The following BCKDHB variants were observed in gnomAD, a reference collection of about 807,000 sequenced individuals.
BCKDHB encodes 2-oxoisovalerate dehydrogenase subunit beta, mitochondrial.
BCKDHB carries 41 observed loss-of-function variants against 48.5 expected under a neutral mutation model. The ratio of observed to expected loss-of-function variants is 0.85; its 90% CI spans 0.66 to 1.10. The LOEUF (loss-of-function observed/expected upper bound fraction) is 1.10. BCKDHB is among the 50% of genes least tolerant of loss of function. The pLI is 0.00. For missense variants in BCKDHB, 496 were observed against 494.2 expected (o/e 1.00, Z -0.03); for synonymous variants, 201 against 174.8 (o/e 1.15, Z -1.18).
chr6:80,318,070 C>A (rs1326989439), intron 9 of BCKDHB, among the ~76,000 whole-genome samples: 2 of 152,184 alleles, frequency 1.3e-5, no homozygotes, highest in African/African-American at 2.4e-5. Context: ...GGAACCCCAA[C>A]AATTGTGGGT....
chr6:80,164,697 T>C (rs1193502756), intron 3 of BCKDHB, among the ~76,000 whole-genome samples: 1 of 152,236 alleles, frequency 6.6e-6, no homozygotes, highest in Non-Finnish European at 1.5e-5. Context: ...AATTTTTCTA[T>C]TACACATAAG....
At chr6:80,238,598 A>G (rs1333726580) in intron 8 of BCKDHB, among the ~76,000 whole-genome samples, 1 of 151,530 alleles carries the variant, frequency 6.6e-6, no homozygotes, top group Non-Finnish European at 1.5e-5. Flanking sequence ...ATTTATTTAT[A>G]TATTTTTTAT....
At chr6:80,155,722 A>G (rs956700425) in intron 3 of BCKDHB, among the ~76,000 whole-genome samples, 2 of 152,076 alleles carry the variant, frequency 1.3e-5, no homozygotes, top group African/African-American at 4.8e-5. Flanking sequence ...GGTAAATATA[A>G]CATTGAATTT....
the BCKDHB span, among the ~76,000 whole-genome samples, chr6:80,440,514 G>A: frequency 3.9e-5 from 6 of 152,010 alleles, no homozygotes; most frequent in Middle Eastern, 3.4e-3. Flanking sequence ...ATCCTGTGCC[G>A]TTCTTAGATT....
chr6:80,351,219 T>C (rs1349659349), downstream of BCKDHB, among the ~76,000 whole-genome samples: 1 of 152,234 alleles, frequency 6.6e-6, no homozygotes, highest in African/African-American at 2.4e-5. Context: ...ATAAGCTTTG[T>C]TTCTGAATTT....
the BCKDHB span, among the ~76,000 whole-genome samples, chr6:80,458,781 A>C: frequency 6.6e-6 from 1 of 152,172 alleles, no homozygotes; most frequent in Non-Finnish European, 1.5e-5. Context: ...TCATATATTA[A>C]TTTGTTTCTA....
chr6:80,462,252 T>C, the BCKDHB span, among the ~76,000 whole-genome samples: 2 of 152,224 alleles, frequency 1.3e-5, no homozygotes, highest in Admixed American at 1.3e-4. Flanking sequence ...CCTATTTACT[T>C]ATCTTTCTCC....
chr6:80,178,728 A>C (rs992490628), intron 6 of BCKDHB, among the ~76,000 whole-genome samples: 1 of 152,216 alleles, frequency 6.6e-6, no homozygotes, highest in Non-Finnish European at 1.5e-5. Flanking sequence ...AGGATTAGGG[A>C]AATTAGACAA....
At chr6:80,265,287 A>C (rs1460701188) in intron 8 of BCKDHB, among the ~76,000 whole-genome samples, 1 of 152,156 alleles carries the variant, frequency 6.6e-6, no homozygotes, top group Non-Finnish European at 1.5e-5. Flanking sequence ...CAGTAGCCAG[A>C]AGGTAAAAGG....
the BCKDHB span, among the ~76,000 whole-genome samples, chr6:80,413,024 A>G: frequency 1.6e-4 from 24 of 152,252 alleles, no homozygotes; most frequent in African/African-American, 2.6e-4. Flanking sequence ...TTTGGACTTC[A>G]TGCATCTGGA....
At chr6:80,141,764 T>C (rs943074317) in intron 3 of BCKDHB, among the ~76,000 whole-genome samples, 2 of 152,146 alleles carry the variant, frequency 1.3e-5, no homozygotes, top group African/African-American at 4.8e-5. Context: ...ATGTGTATTT[T>C]ATTAAGAACA....
intron 8 of BCKDHB, among the ~76,000 whole-genome samples, chr6:80,242,179 T>A (rs1313804635): frequency 6.6e-6 from 1 of 152,218 alleles, no homozygotes; most frequent in Non-Finnish European, 1.5e-5. Flanking sequence ...TTTAAAGTTT[T>A]ACCTTTCAAA....
chr6:80,200,079 A>G (rs1476189638), intron 6 of BCKDHB, among the ~76,000 whole-genome samples: 1 of 150,958 alleles, frequency 6.6e-6, no homozygotes, highest in African/African-American at 2.4e-5. Flanking sequence ...AAAAAAAAAA[A>G]AAAAAAAAAA....
chr6:80,388,464 A>C, the BCKDHB span, among the ~76,000 whole-genome samples: 1 of 152,148 alleles, frequency 6.6e-6, no homozygotes, highest in African/African-American at 2.4e-5. Context: ...TGAACATTTG[A>C]CTATGGGTCA....
chr6:80,385,079 A>G, the BCKDHB span, among the ~76,000 whole-genome samples: 95 of 152,204 alleles, frequency 6.2e-4, no homozygotes, highest in Non-Finnish European at 1.1e-3. Context: ...GTGATTTTAT[A>G]CATAATATCT....
chr6:80,214,952 C>A (rs897857810), intron 8 of BCKDHB, among the ~76,000 whole-genome samples: 1 of 151,936 alleles, frequency 6.6e-6, no homozygotes, highest in African/African-American at 2.4e-5. Flanking sequence ...ATTCTTGTTA[C>A]ATGTTGTGTT....
chr6:80,194,883 G>T (rs950350801), intron 6 of BCKDHB, among the ~76,000 whole-genome samples: 1 of 151,884 alleles, frequency 6.6e-6, no homozygotes, highest in African/African-American at 2.4e-5. Flanking sequence ...CCTTCCTTTT[G>T]CCATAATACT....
At chr6:80,349,489 C>A (rs957607309), downstream of BCKDHB, among the ~76,000 whole-genome samples, 4 of 152,124 alleles carry the variant, frequency 2.6e-5, no homozygotes, top group Admixed American at 2.0e-4. Context: ...TAAATGTAAT[C>A]AGGTGAATTC....
intron 8 of BCKDHB, among the ~76,000 whole-genome samples, chr6:80,263,213 A>C (rs936396543): frequency 6.6e-5 from 10 of 152,206 alleles, no homozygotes; most frequent in African/African-American, 2.4e-4. Flanking sequence ...TCTCAAAACA[A>C]ACAAATGAAT....
Sources: gnomAD v4.1 joint callset for allele counts (sites outside exome capture counted in the v4.1 genomes callset) on GRCh38, gnomAD v4.1.1 for gene constraint, MANE v1.5 for transcripts, NCBI Gene and HGNC (gene_info 2026-07-23, HGNC 2026-07-21) for gene names.